The following PATJ variants were observed in gnomAD, a reference collection of about 807,000 sequenced individuals.
PATJ encodes PATJ crumbs cell polarity complex component, also known as inaD-like protein.
Under a neutral mutation model 224.9 loss-of-function variants are expected in PATJ, and 190 were observed. That is an observed-to-expected ratio of 0.84 (90% confidence interval 0.75 to 0.95). PATJ has a LOEUF of 0.95. Among genes scored for constraint, PATJ ranks in the 40% least tolerant of loss-of-function variants. The pLI, the probability that PATJ is intolerant of heterozygous loss-of-function variation, is 0.00. For synonymous variants in PATJ, 769 were observed against 820.3 expected (o/e 0.94, Z 1.07); for missense variants, 2,121 against 2,270.3 (o/e 0.93, Z 1.34).
intron 1 of PATJ, among the ~76,000 whole-genome samples, chr1:61,758,836 C>G (rs1204061461): frequency 1.3e-5 from 2 of 152,046 alleles, no homozygotes; most frequent in African/African-American, 4.8e-5. Flanking sequence ...TCATAGCTCA[C>G]TATAGCCTCA....
intron 9 of PATJ, 77 bp downstream of exon 9, chr1:61,791,524 T>TG (rs1231841778): frequency 1.1e-6 from 1 of 874,308 alleles, no homozygotes; most frequent in East Asian, 2.6e-5. Flanking sequence ...ATTAAATACT[T>TG]GCAGATTTTA....
intron 20 of PATJ, among the ~76,000 whole-genome samples, chr1:61,869,274 T>A (rs1396098722): frequency 1.3e-5 from 2 of 150,768 alleles, no homozygotes; most frequent in Non-Finnish European, 2.9e-5. Context: ...GCCCGGCTAA[T>A]TTTTTGTATT....
chr1:61,942,631 A>G (rs1193705906), intron 27 of PATJ, among the ~76,000 whole-genome samples: 1 of 151,660 alleles, frequency 6.6e-6, no homozygotes, highest in Non-Finnish European at 1.5e-5. Context: ...GCTCACGGCA[A>G]CCTCTGCCTC....
Position 61,964,846 on chromosome 1 carries a change from C to T in PATJ, c.3671-25322C>T, listed in dbSNP as rs562040750. Among the ~76,000 whole-genome samples the T allele has an allele frequency of 1.6e-3, 241 of 150,614 alleles. 1 individual carries two copies. The highest frequency in any genetic ancestry group is 5.5e-3 in the African/African-American group (226 of 41,072). On this transcript the variant is annotated intron_variant, in intron 27 of 43. Coordinates refer to ENST00000642238, the MANE Select transcript of PATJ (RefSeq NM_001350145.3). ...AATCCTGCTGGCCGACCGTGGTGGC[C>T]GATGCCTGTAATCCCAGCACTTTGG...
rs189020282 is a variant in PATJ at position 62,158,648 on chromosome 1, G to A, written c.5503-2260G>A. 9.0e-3 allele frequency among the ~76,000 whole-genome samples: 1,331 copies of A among 147,324 alleles called. 82 individuals are homozygous for A. Among genetic ancestry groups the A allele is most frequent in the Non-Finnish European group, 0.014 (916 of 66,696 alleles). On this transcript the variant is annotated intron_variant, in intron 43 of 43. Transcript: ENST00000642238. ...AGGCAGGAGAATGGTGTGAACCGGC[G>A]AGGCAGAGCTTGCAGTGAGCCGAGA... is the stretch of plus-strand genomic sequence containing the variant.
chr1:62,138,714 G>T (rs969442578), intron 41 of PATJ, among the ~76,000 whole-genome samples: 1 of 152,170 alleles, frequency 6.6e-6, no homozygotes, highest in African/African-American at 2.4e-5. Flanking sequence ...GGTCTAGCGG[G>T]ACATGAGAGA....
At chr1:61,871,079 G>GTTTTTTTTTTTTTTT (rs1274894642) in intron 20 of PATJ, among the ~76,000 whole-genome samples, 2 of 64,980 alleles carry the variant, frequency 3.1e-5, no homozygotes, top group East Asian at 5.8e-4. Flanking sequence ...TGTTTTTTTT[G>GTTTTTTTTTTTTTTT]TTTTTTTTTT....
chr1:61,822,740 C>T (rs1295193162), intron 14 of PATJ, among the ~76,000 whole-genome samples: 3 of 152,050 alleles, frequency 2.0e-5, no homozygotes, highest in South Asian at 2.1e-4. Flanking sequence ...CCAGGGAATC[C>T]GGAAGGAAAA....
At chr1:61,772,543 T>C (rs949670994) in intron 6 of PATJ, among the ~76,000 whole-genome samples, 3 of 152,172 alleles carry the variant, frequency 2.0e-5, no homozygotes, top group Non-Finnish European at 2.9e-5. Context: ...GCTAGCTGAT[T>C]TATTTAATTT....
At chr1:62,094,558 AACACACACACACACACACACACAC>A (rs58104906) in intron 33 of PATJ, among the ~76,000 whole-genome samples, 31 of 132,532 alleles carry the variant, frequency 2.3e-4, no homozygotes, top group African/African-American at 6.0e-4. Flanking sequence ...ATTCTGTCTC[AACACACACACACACACACACACAC>A]ACACACACAC....
At chr1:61,990,052 T>C (rs1407783320) in intron 27 of PATJ, 116 bp from the exon 28 acceptor site, 2 of 817,906 alleles carry the variant, frequency 2.4e-6, no homozygotes, top group Non-Finnish European at 1.9e-6. Flanking sequence ...CTCTGTCTCT[T>C]AAAAAACAAA....
chr1:61,970,778 C>A (rs911154482), intron 27 of PATJ, among the ~76,000 whole-genome samples: 19 of 146,722 alleles, frequency 1.3e-4, no homozygotes, highest in African/African-American at 4.4e-4. Context: ...TAGGTGTGAG[C>A]CACCACACCT....
chr1:62,024,657 A>AACACACACACACACAC, intron 29 of PATJ, among the ~76,000 whole-genome samples: 1 of 107,650 alleles, frequency 9.3e-6, no homozygotes, highest in African/African-American at 3.7e-5. Flanking sequence ...CCCACCTCCC[A>AACACACACACACACAC]ACACACACAC....
chr1:62,035,324 G>A (rs954821112), intron 29 of PATJ, among the ~76,000 whole-genome samples: 3 of 152,124 alleles, frequency 2.0e-5, no homozygotes, highest in African/African-American at 4.8e-5. Context: ...TTTGGTTCAC[G>A]CCTAGATAGA....
chr1:62,144,000 G>C lies in PATJ; in HGVS notation c.5272-4284G>C, dbSNP rs374391975. 1.9e-4 allele frequency among the ~76,000 whole-genome samples: 29 copies of C among 152,278 alleles called. 1 individual carries two copies. The highest frequency in any genetic ancestry group is 1.5e-3 in the East Asian group (8 of 5,182). Reference sequence around the variant, plus strand: ...TTTATAAAGATGGTGGACTTCAAGAGTAGGGAGGATAAAAGAGTTCATGGA... The same window carrying C: ...TTTATAAAGATGGTGGACTTCAAGACTAGGGAGGATAAAAGAGTTCATGGA... On this transcript the variant is annotated intron_variant, in intron 41 of 43. Coordinates refer to ENST00000642238, the MANE Select transcript of PATJ (RefSeq NM_001350145.3).
At chr1:62,151,951 A>G (rs2481674) in intron 42 of PATJ, among the ~76,000 whole-genome samples, 111,539 of 152,106 alleles carry the variant, frequency 0.73, 41,096 homozygotes, top group East Asian at 0.82. Context: ...TGTTGTTTCT[A>G]AGAGAGAAGA....
intron 33 of PATJ, among the ~76,000 whole-genome samples, chr1:62,089,841 G>T (rs1201213068): frequency 6.6e-6 from 1 of 152,166 alleles, no homozygotes; most frequent in African/African-American, 2.4e-5. Context: ...ACTCACTACA[G>T]AAGAACCTTC....
intron 13 of PATJ, among the ~76,000 whole-genome samples, chr1:61,806,964 C>T (rs1166052909): frequency 6.6e-6 from 1 of 151,780 alleles, no homozygotes; most frequent in African/African-American, 2.4e-5. Flanking sequence ...CCAGCCTGGC[C>T]AACATGGTGA....
chr1:61,833,864 G>A, intron 17 of PATJ, 79 bp downstream of exon 17: 1 of 1,312,152 alleles, frequency 7.6e-7, no homozygotes, highest in East Asian at 2.5e-5. Context: ...AATTGTTTAA[G>A]ACCCCTATTG....
Sources: allele counts gnomAD v4.1 joint callset (sites outside exome capture counted in the v4.1 genomes callset), GRCh38; gene constraint gnomAD v4.1.1; transcripts MANE v1.5; gene names NCBI Gene and HGNC (gene_info 2026-07-23, HGNC 2026-07-21).